The following UBAP1 variants were observed in gnomAD, a reference collection of about 807,000 sequenced individuals.
UBAP1 encodes ubiquitin associated protein 1.
UBAP1 carries 5 observed loss-of-function variants against 39.0 expected under a neutral mutation model. That is an observed-to-expected ratio of 0.13 (90% CI 0.07 to 0.27). The LOEUF is 0.27. Ranked by LOEUF, UBAP1 falls within the 10% of genes least tolerant of loss-of-function variation. The pLI is 1.00. For synonymous variants in UBAP1, 211 were observed against 225.1 expected (o/e 0.94, Z 0.56); for missense variants, 490 against 608.1 (o/e 0.81, Z 2.04).
At chr9:34,242,213 G>GT in intron 4 of UBAP1, 105 bp downstream of exon 4, 1 of 1,229,152 alleles carries the variant, frequency 8.1e-7, no homozygotes, top group Admixed American at 2.3e-5. Flanking sequence ...GTCTCATTCT[G>GT]TTGCCCAGGC....
At chr9:34,218,810 C>T (rs184996149) in intron 1 of UBAP1, among the ~76,000 whole-genome samples, 3 of 152,192 alleles carry the variant, frequency 2.0e-5, no homozygotes, top group Admixed American at 1.3e-4. Context: ...ATGGCACACT[C>T]CTGTAATCCC....
At chr9:34,188,590 G>T (rs1830544968) in intron 1 of UBAP1, among the ~76,000 whole-genome samples, 1 of 151,806 alleles carries the variant, frequency 6.6e-6, no homozygotes, top group South Asian at 2.1e-4. Context: ...TTAACTTCCT[G>T]CCTTTTTCTG....
chr9:34,234,777 A>C (rs1833599397), intron 3 of UBAP1, among the ~76,000 whole-genome samples: 1 of 152,234 alleles, frequency 6.6e-6, no homozygotes, highest in African/African-American at 2.4e-5. Flanking sequence ...AGTATAGCAC[A>C]TACAATTCAG....
At chr9:34,243,769 T>G (rs1381055718) in intron 4 of UBAP1, among the ~76,000 whole-genome samples, 1 of 151,160 alleles carries the variant, frequency 6.6e-6, no homozygotes, top group Non-Finnish European at 1.5e-5. Flanking sequence ...GGATTACAGG[T>G]GTGAGCCACA....
intron 2 of UBAP1, among the ~76,000 whole-genome samples, chr9:34,227,696 C>A (rs1297852697): frequency 6.6e-6 from 1 of 152,236 alleles, no homozygotes; most frequent in East Asian, 1.9e-4. Context: ...CTGCCACAAC[C>A]GCAGCCATGA....
chr9:34,222,519 C>T (rs914539017), intron 2 of UBAP1, among the ~76,000 whole-genome samples: 8 of 151,946 alleles, frequency 5.3e-5, no homozygotes, highest in South Asian at 4.2e-4. Flanking sequence ...GGGCAGGGCA[C>T]GGTGGCTCAT....
chr9:34,195,927 GTTTTTTTTTTTTTTTTTTTT>G (rs57040252), intron 1 of UBAP1, among the ~76,000 whole-genome samples: 52 of 36,158 alleles, frequency 1.4e-3, no homozygotes, highest in African/African-American at 5.1e-3. Flanking sequence ...AAATTTTTTG[GTTTTTTTTTTTTTTTTTTTT>G]TTTTTTTTTT....
At chr9:34,231,506 G>A (rs371830200) in intron 2 of UBAP1, among the ~76,000 whole-genome samples, 6 of 152,052 alleles carry the variant, frequency 3.9e-5, no homozygotes, top group African/African-American at 1.4e-4. Flanking sequence ...ACCGGTCCCG[G>A]CCAAAAGCAT....
In UBAP1 at chr9:34,190,946, C is replaced by G. The variant is rs551691245; in HGVS notation, c.-8+11706C>G. ...TACAGGTGTGAGTCACAGTGCCCAG[C>G]CTGCTCTGGATATATTACTGGCATT... is the stretch of plus-strand genomic sequence containing the variant. On this transcript the variant is annotated intron_variant, in intron 1 of 6. Transcript: ENST00000297661. Among the ~76,000 whole-genome samples, 281 of 152,030 alleles carry G rather than the reference C, an allele frequency of 1.8e-3. 1 individual carries two copies. Among genetic ancestry groups the G allele is most frequent in the African/African-American group, 6.5e-3 (268 of 41,474 alleles).
chr9:34,233,352 G>C (rs1833529873), intron 2 of UBAP1, among the ~76,000 whole-genome samples: 1 of 151,842 alleles, frequency 6.6e-6, no homozygotes, highest in Non-Finnish European at 1.5e-5. Flanking sequence ...CTCCTGAGTA[G>C]CTGGGTTTAC....
intron 2 of UBAP1, among the ~76,000 whole-genome samples, chr9:34,229,418 C>T (rs1266142484): frequency 1.3e-5 from 2 of 151,362 alleles, no homozygotes; most frequent in East Asian, 3.9e-4. Context: ...CCACCATGCT[C>T]GGCTAATTTT....
chr9:34,181,449 T>C (rs1830025741), intron 1 of UBAP1, among the ~76,000 whole-genome samples: 1 of 146,638 alleles, frequency 6.8e-6, no homozygotes. Context: ...ATTTTATTTT[T>C]TGAGACGGAG....
At chr9:34,200,673 G>A (rs1831317692) in intron 1 of UBAP1, among the ~76,000 whole-genome samples, 1 of 152,046 alleles carries the variant, frequency 6.6e-6, no homozygotes, top group Non-Finnish European at 1.5e-5. Flanking sequence ...ACATTTGCAA[G>A]CTTATTAGTT....
chr9:34,246,101 ATTTT>A (rs986111469), intron 4 of UBAP1, among the ~76,000 whole-genome samples: 3 of 151,708 alleles, frequency 2.0e-5, no homozygotes, highest in Admixed American at 2.0e-4. Flanking sequence ...AATTTTTATT[ATTTT>A]TTTTGAGACA....
rs544796162 is a variant in UBAP1, at chr9:34,241,985, G to T, written c.960G>T (p.Gly320=). The part of the protein sequence containing the change: ...ASELNGHHTL[G]LSALNLDSGT... Reference sequence around the variant, plus strand: ...AGCTCAATGGGCATCACACTCTTGGGCTTTCAGCTTTGAACTTGGACAGTG... The same window carrying T: ...AGCTCAATGGGCATCACACTCTTGGTCTTTCAGCTTTGAACTTGGACAGTG... The change falls in exon 4 of 7, where the codon GGG becomes GGT. Residue 320 remains glycine (G), a synonymous_variant. Coordinates refer to ENST00000297661, the MANE Select transcript of UBAP1 (RefSeq NM_016525.5). The T allele has an allele frequency of 8.1e-6, 13 of 1,614,148 alleles. No homozygotes were observed. In the South Asian group the frequency reaches 1.4e-4, roughly 18 times the overall value.
chr9:34,251,099 T>G (rs931312720), intron 6 of UBAP1, among the ~76,000 whole-genome samples: 4 of 152,164 alleles, frequency 2.6e-5, no homozygotes, highest in Non-Finnish European at 5.9e-5. Flanking sequence ...TCAGTATCCT[T>G]CCTTGGTGGG....
At chr9:34,195,342 T>C (rs1432764475) in intron 1 of UBAP1, among the ~76,000 whole-genome samples, 1 of 152,154 alleles carries the variant, frequency 6.6e-6, no homozygotes, top group Non-Finnish European at 1.5e-5. Flanking sequence ...GAATTAATTA[T>C]ATATGACGTC....
chr9:34,235,954 G>A (rs2131611073), intron 3 of UBAP1, among the ~76,000 whole-genome samples: 1 of 151,566 alleles, frequency 6.6e-6, no homozygotes, highest in Middle Eastern at 3.4e-3. Flanking sequence ...TCCACCTCCT[G>A]GGTTCAAGCA....
chr9:34,233,372 C>G (rs1189569468), intron 2 of UBAP1, among the ~76,000 whole-genome samples: 1 of 151,786 alleles, frequency 6.6e-6, no homozygotes, highest in Non-Finnish European at 1.5e-5. Context: ...CAGGCATGCA[C>G]CACCATGCCT....
Sources: gnomAD v4.1 joint callset for allele counts (sites outside exome capture counted in the v4.1 genomes callset) on GRCh38, gnomAD v4.1.1 for gene constraint, MANE v1.5 for transcripts, NCBI Gene and HGNC (gene_info 2026-07-23, HGNC 2026-07-21) for gene names.